DNM1: variants seen among roughly 807,000 people sequenced by gnomAD.
The protein encoded by DNM1 is dynamin-1.
DNM1 carries 29 observed loss-of-function variants against 104.6 expected under a neutral mutation model. The observed-to-expected ratio is 0.28, with a 90% confidence interval of 0.21 to 0.38. The LOEUF is 0.38. DNM1 is among the 10% of genes least tolerant of loss of function. The probability of loss-of-function intolerance (pLI) is 1.00; values close to 1 mark genes in which losing one functional copy is unlikely to be tolerated. For synonymous variants in DNM1, 445 were observed against 475.8 expected, an observed-to-expected ratio of 0.94 and a Z score of 0.84; for missense variants, 640 against 1,189.4, an observed-to-expected ratio of 0.54 and a Z score of 6.79.
At chr9:128,208,781 G>A (rs1334691710) in intron 1 of DNM1, among the ~76,000 whole-genome samples, 5 of 152,162 alleles carry the variant, frequency 3.3e-5, no homozygotes, top group Non-Finnish European at 7.3e-5. Context: ...CTCCTGCGTT[G>A]CAAGGAGCCT....
intron 10 of DNM1, among the ~76,000 whole-genome samples, chr9:128,231,103 G>A (rs188741191): frequency 4.0e-5 from 6 of 149,938 alleles, no homozygotes; most frequent in East Asian, 2.0e-4. Flanking sequence ...ATGCCCTGCC[G>A]TCTGTGTGAT....
chr9:128,254,046 C>T lies in DNM1; in HGVS notation c.2535-608C>T, dbSNP rs545873603. 134 of 1,237,010 alleles carry T rather than the reference C, an allele frequency of 1.1e-4. No homozygotes were observed. Among genetic ancestry groups the T allele is most frequent in the Middle Eastern group, 3.1e-4 (1 of 3,236 alleles). 76.6% of individuals were successfully genotyped at this position (1,237,010 alleles called of 1,614,324 possible). A position where few individuals can be genotyped will look rare whatever the true frequency, so the allele number is the denominator to read the frequency against. The stretch of plus-strand genomic sequence containing the variant: ...CTCACCTACGAGACCTGCAGCCCCC[C>T]GACCAGCTGAGGCTCCCCTCTTAGA... On this transcript the variant is annotated intron_variant, in intron 21 of 21. Coordinates refer to ENST00000372923, the MANE Select transcript of DNM1 (RefSeq NM_004408.4). This position sits in a 1 kb window ranked among gnomAD's most constrained non-coding sequence, Gnocchi z 6.1.
At position 128,220,001 on chromosome 9, in the gene DNM1, C is replaced by G. The variant is rs1484030185; in HGVS notation, c.603C>G (p.Ile201Met). 1 of 1,585,634 alleles carries G rather than the reference C, an allele frequency of 6.3e-7. No individual in the cohort carries two copies. Among genetic ancestry groups the G allele is most frequent in the East Asian group, 2.3e-5 (1 of 43,410 alleles). Residue 201 changes from isoleucine to methionine, a missense_variant, in exon 5 of 22, where the codon ATC becomes ATG. Ile to Met is a conservative substitution (Grantham distance 10, BLOSUM62 1). Coordinates refer to ENST00000372923, the MANE Select transcript of DNM1 (RefSeq NM_004408.4). The surrounding 1 kb of genome is among the most constrained non-coding windows in gnomAD (Gnocchi z 5.2). ...TGGTGCACCCAGGCCAGCGCACCAT[C>G]GGGGTCATCACCAAGCTGGACCTGA... ...KEVDPQGQRT[I>M]GVITKLDLMD...
rs758360692 is a variant in DNM1 at position 128,220,929 on chromosome 9, C to CTTTCTTTCTTTCTTTCT, written c.849+595_849+596insCTTTCTTTCTTTTCTTT. Among the ~76,000 whole-genome samples, 10 of 128,960 alleles carry CTTTCTTTCTTTCTTTCT rather than the reference C, an allele frequency of 7.8e-5. No homozygotes were observed. The highest frequency in any genetic ancestry group is 1.5e-4 in the Admixed American group (2 of 12,996). 84.6% of individuals were successfully genotyped at this position (128,960 alleles called of 152,430 possible). A position where few individuals can be genotyped will look rare whatever the true frequency, so the allele number is the denominator to read the frequency against. On this transcript the variant is annotated intron_variant, in intron 6 of 21. Coordinates refer to ENST00000372923, the MANE Select transcript of DNM1 (RefSeq NM_004408.4). The surrounding 1 kb of genome is among the most constrained non-coding windows in gnomAD (Gnocchi z 5.2). ...TCTTTCTTTCTTTCTTTCTTTCTTTCTTTCTTTTCTTTTCTTTCTTTCTTT... is the reference window on the plus strand; with the variant it reads ...TCTTTCTTTCTTTCTTTCTTTCTTTCTTTCTTTCTTTCTTTCTTTTCTTTTCTTTTCTTTCTTTCTTT...
At position 128,222,174 on chromosome 9, in the gene DNM1, C is replaced by A. The variant is rs182060568; in HGVS notation, c.850-23C>A. On this transcript the variant is annotated intron_variant, in intron 6 of 21. Transcript: ENST00000372923. This position sits in a 1 kb window ranked among gnomAD's most constrained non-coding sequence, Gnocchi z 7.8. ...GGCCCTGTGACCATCTGTCCTCAAC[C>A]CTTTCCTCACCCTTACCCCCAGCAA... The A allele has an allele frequency of 1.9e-5, 30 of 1,601,976 alleles. No individual in the cohort carries two copies. The highest frequency in any genetic ancestry group is 4.0e-5 in the African/African-American group (3 of 74,732).
intron 21 of DNM1, chr9:128,252,881 C>T (rs1198752927): frequency 1.8e-5 from 12 of 684,132 alleles, no homozygotes; most frequent in South Asian, 7.7e-5. Context: ...CCATGCTGCA[C>T]GCGCCGCCGG....
rs79664863 is a variant in DNM1 at position 128,245,694 on chromosome 9, G to A, written c.1672-700G>A. ...TCCACAGGCATGGCTCTGCAAACATGTAGGCTCGCACAATTGCCACACACA... is the reference window on the plus strand; with the variant it reads ...TCCACAGGCATGGCTCTGCAAACATATAGGCTCGCACAATTGCCACACACA... On this transcript the variant is annotated intron_variant, in intron 15 of 21. Coordinates refer to ENST00000372923, the MANE Select transcript of DNM1 (RefSeq NM_004408.4). The surrounding 1 kb of genome is among the most constrained non-coding windows in gnomAD (Gnocchi z 5.2). 0.025 allele frequency among the ~76,000 whole-genome samples: 3,810 copies of A among 152,264 alleles called. 155 individuals carry two copies. Among genetic ancestry groups the A allele is most frequent in the African/African-American group, 0.086 (3,588 of 41,518 alleles).
Position 128,234,076 on chromosome 9 carries a change from T to A in DNM1, c.1391T>A (p.Ile464Asn). The A allele has an allele frequency of 6.3e-7, 1 of 1,575,734 alleles. No homozygotes were observed. The highest frequency in any genetic ancestry group is 8.6e-7 in the Non-Finnish European group (1 of 1,161,532). ...EEMERIVTTHIREREGRTKEQ... is the reference protein window; with the variant it reads ...EEMERIVTTHNREREGRTKEQ... Reference sequence around the variant, plus strand: ...ATGGAGCGCATCGTGACCACCCACATCCGGGAGCGCGAGGGCCGCACTAAG... The same window carrying A: ...ATGGAGCGCATCGTGACCACCCACAACCGGGAGCGCGAGGGCCGCACTAAG... The change falls in exon 11 of 22, where the codon ATC (isoleucine) becomes AAC (asparagine). Residue 464 changes from isoleucine to asparagine, a missense_variant. By Grantham distance (149) the Ile-to-Asn change is moderately radical. This residue lies in a region of DNM1 where 92 missense variants were observed against 124.4 expected (regional missense o/e 0.74). Coordinates refer to ENST00000372923, the MANE Select transcript of DNM1 (RefSeq NM_004408.4).
rs985681063 is a variant in DNM1 at position 128,243,463 on chromosome 9, G to A, written c.1671+1118G>A. Among the ~76,000 whole-genome samples the A allele has an allele frequency of 6.6e-6, 1 of 152,206 alleles. No homozygotes were observed. The highest frequency in any genetic ancestry group is 1.5e-5 in the Non-Finnish European group (1 of 68,038). On this transcript the variant is annotated intron_variant, in intron 15 of 21. Coordinates refer to ENST00000372923, the MANE Select transcript of DNM1 (RefSeq NM_004408.4). The surrounding 1 kb of genome is among the most constrained non-coding windows in gnomAD (Gnocchi z 4.0). ...CCTCCCAGGTCCCTGTCTCCTCCAAGTTTGTCCTGGGCAGGGGCCCCAACT... is the reference window on the plus strand; with the variant it reads ...CCTCCCAGGTCCCTGTCTCCTCCAAATTTGTCCTGGGCAGGGGCCCCAACT...
chr9:128,213,189 C>A (rs898206521), intron 1 of DNM1, among the ~76,000 whole-genome samples: 1 of 152,202 alleles, frequency 6.6e-6, no homozygotes, highest in African/African-American at 2.4e-5. Context: ...TCAAGCGATT[C>A]TCCTGCCTCA....
At position 128,251,162 on chromosome 9, in the gene DNM1, G is replaced by A. The variant is rs533648880; in HGVS notation, c.2534+222G>A. ...CCCGGAGGTGGTCGTTTCTGGGGAG[G>A]GGGCTGTGGGGCTCGTCCCACCTGC... On this transcript the variant is annotated intron_variant, in intron 21 of 21. Coordinates refer to ENST00000372923, the MANE Select transcript of DNM1 (RefSeq NM_004408.4). The A allele has an allele frequency of 2.3e-4, 155 of 680,468 alleles. 1 individual carries two copies. Among genetic ancestry groups the A allele is most frequent in the African/African-American group, 2.3e-3 (127 of 56,254 alleles). The allele number at this position is 680,468 out of a possible 1,614,324, so 42.2% of individuals were successfully genotyped here.
At position 128,248,125 on chromosome 9, in the gene DNM1, G is replaced by A. The variant is rs968044999; in HGVS notation, c.1905+190G>A. 1.5e-5 allele frequency: 11 copies of A among 722,138 alleles called. No individual in the cohort carries two copies. Among genetic ancestry groups the A allele is most frequent in the Admixed American group, 6.6e-5 (3 of 45,174 alleles). The allele number at this position is 722,138 out of a possible 1,614,324, so 44.7% of individuals were successfully genotyped here. A position where few individuals can be genotyped will look rare whatever the true frequency, so the allele number is the denominator to read the frequency against. On this transcript the variant is annotated intron_variant, in intron 18 of 21. Transcript: ENST00000372923. The surrounding 1 kb of genome is among the most constrained non-coding windows in gnomAD (Gnocchi z 5.6). The stretch of plus-strand genomic sequence containing the variant: ...GGGCGGATCACAAGGTCAGGAGTTC[G>A]AGACCAGCCTGGCCAACACGGTGAA...
intron 4 of DNM1, among the ~76,000 whole-genome samples, chr9:128,219,532 C>T (rs1834815231): frequency 6.6e-6 from 1 of 151,672 alleles, no homozygotes; most frequent in African/African-American, 2.4e-5. Flanking sequence ...AGCCGGGCAC[C>T]GTGGTGCACG....
Position 128,224,430 on chromosome 9 carries a change from C to T in DNM1, c.1335+41C>T, listed in dbSNP as rs374263989. ...GGGCCAGCCCCCACCGCCTCTGCCCCGCCCTGCACTGCTGCCAGGCGCTCC... is the reference window on the plus strand; with the variant it reads ...GGGCCAGCCCCCACCGCCTCTGCCCTGCCCTGCACTGCTGCCAGGCGCTCC... On this transcript the variant is annotated intron_variant, in intron 10 of 21. Coordinates refer to ENST00000372923, the MANE Select transcript of DNM1 (RefSeq NM_004408.4). This position sits in a 1 kb window ranked among gnomAD's most constrained non-coding sequence, Gnocchi z 4.3. The T allele has an allele frequency of 4.1e-5, 64 of 1,570,484 alleles. No homozygotes were observed. In the African/African-American group the frequency reaches 6.3e-4, roughly 16 times the overall value.
chr9:128,219,397 G>A, intron 4 of DNM1, 145 bp downstream of exon 4: 1 of 741,440 alleles, frequency 1.3e-6, no homozygotes, highest in East Asian at 2.7e-5. Context: ...GGTCAGGCAT[G>A]GTAGCTCATG....
At chr9:128,210,020 T>G (rs1167764340) in intron 1 of DNM1, among the ~76,000 whole-genome samples, 1 of 151,812 alleles carries the variant, frequency 6.6e-6, no homozygotes, top group African/African-American at 2.4e-5. Flanking sequence ...ATTCCAAGTT[T>G]TTGTTTTGTT....
At chr9:128,225,190 G>A (rs962004368) in intron 10 of DNM1, among the ~76,000 whole-genome samples, 9 of 152,128 alleles carry the variant, frequency 5.9e-5, no homozygotes, top group African/African-American at 1.7e-4. Context: ...AGTGCTCCTC[G>A]ATTCCACCCT....
At chr9:128,214,746 A>T (rs569871720) in intron 1 of DNM1, among the ~76,000 whole-genome samples, 13 of 152,342 alleles carry the variant, frequency 8.5e-5, no homozygotes, top group Admixed American at 5.2e-4. Context: ...GGAACCCACC[A>T]TCTGCTCCAA....
rs575427347 is a variant in DNM1 at position 128,203,789 on chromosome 9, C to A, written c.161+158C>A. Among the ~76,000 whole-genome samples, 22 of 149,912 alleles carry A rather than the reference C, an allele frequency of 1.5e-4. No individual in the cohort carries two copies. In the South Asian group the frequency reaches 3.6e-3, roughly 25 times the overall value. ...AGCCGGAGCGAGGAGGCCCTCCCCC[C>A]ACCACGAGAGCCCCTCGGGGCAGCA... is the stretch of plus-strand genomic sequence containing the variant. On this transcript the variant is annotated intron_variant, in intron 1 of 21. Coordinates refer to ENST00000372923, the MANE Select transcript of DNM1 (RefSeq NM_004408.4). The surrounding 1 kb of genome is among the most constrained non-coding windows in gnomAD (Gnocchi z 5.3).
Sources: gnomAD v4.1 joint callset for allele counts (sites outside exome capture counted in the v4.1 genomes callset) on GRCh38, gnomAD v4.1.1 for gene constraint, gnomAD v4.1.1 regional missense constraint, Gnocchi (gnomAD v3.1) non-coding constraint, MANE v1.5 for transcripts, NCBI Gene and HGNC (gene_info 2026-07-23, HGNC 2026-07-21) for gene names.